The following SYT1 variants were observed in gnomAD, a reference collection of about 807,000 sequenced individuals.
SYT1 encodes the protein synaptotagmin 1.
In SYT1, 8 loss-of-function variants were observed where a neutral mutation model predicts 44.8. That is an observed-to-expected ratio of 0.18 (90% CI 0.10 to 0.32). SYT1 has a LOEUF of 0.32. Ranked by LOEUF, SYT1 falls within the 10% of genes least tolerant of loss-of-function variation. The pLI, the probability that SYT1 is intolerant of heterozygous loss-of-function variation, is 1.00. For missense variants in SYT1, 286 were observed against 509.3 expected (o/e 0.56, Z 4.22); for synonymous variants, 154 against 188.8 (o/e 0.82, Z 1.51).
intron 3 of SYT1, among the ~76,000 whole-genome samples, chr12:79,207,170 C>G (rs1206506331): frequency 6.6e-6 from 1 of 152,150 alleles, no homozygotes; most frequent in African/African-American, 2.4e-5. Context: ...TTTGCTGTGA[C>G]TATGCTGTAG....
chr12:79,154,278 T>C (rs1332932983), intron 3 of SYT1, among the ~76,000 whole-genome samples: 1 of 152,150 alleles, frequency 6.6e-6, no homozygotes, highest in African/African-American at 2.4e-5. Context: ...TATTTTAGTT[T>C]AGTTAAATGT....
chr12:78,963,429 A>G (rs1879616966), intron 1 of SYT1, among the ~76,000 whole-genome samples: 1 of 152,132 alleles, frequency 6.6e-6, no homozygotes, highest in African/African-American at 2.4e-5. Flanking sequence ...AATGATGGGT[A>G]AATTTTTAAT....
intron 8 of SYT1, among the ~76,000 whole-genome samples, chr12:79,319,103 G>A (rs1169861791): frequency 6.6e-6 from 1 of 152,208 alleles, no homozygotes; most frequent in Non-Finnish European, 1.5e-5. Flanking sequence ...ATGCTGCCAT[G>A]TTTGAAGATG....
intron 4 of SYT1, among the ~76,000 whole-genome samples, chr12:79,266,673 T>TTAAA (rs1168189857): frequency 1.3e-5 from 2 of 152,166 alleles, no homozygotes; most frequent in Non-Finnish European, 2.9e-5. Flanking sequence ...AGAATAAAGT[T>TTAAA]GACAGTTTAA....
At chr12:79,229,079 G>A (rs911569432) in intron 4 of SYT1, among the ~76,000 whole-genome samples, 12 of 152,012 alleles carry the variant, frequency 7.9e-5, no homozygotes, top group Non-Finnish European at 1.8e-4. Context: ...ACACATCTTC[G>A]TATCCCCCAC....
Position 79,220,682 on chromosome 12 carries a change from G to A in SYT1, c.166+2997G>A, listed in dbSNP as rs78729544. Among the ~76,000 whole-genome samples, 618 of 151,932 alleles carry A rather than the reference G, an allele frequency of 4.1e-3. 3 individuals are homozygous for A. The highest frequency in any genetic ancestry group is 0.014 in the African/African-American group (582 of 41,462). On this transcript the variant is annotated intron_variant, in intron 4 of 10. Transcript: ENST00000261205. ...TTGTTTCCTTTTTCATTTCTTCAGT[G>A]ACCCATTATTTATTCAAGAGTATGT...
intron 3 of SYT1, among the ~76,000 whole-genome samples, chr12:79,188,572 G>C (rs955303806): frequency 6.6e-6 from 1 of 151,910 alleles, no homozygotes; most frequent in Non-Finnish European, 1.5e-5. Context: ...TTTTTACAAG[G>C]GTTGACCACA....
chr12:78,873,997 A>G (rs1458513537), intron 1 of SYT1, among the ~76,000 whole-genome samples: 2 of 151,698 alleles, frequency 1.3e-5, no homozygotes, highest in East Asian at 1.9e-4. Context: ...TAGAAAGAAT[A>G]CAAAATTATA....
intron 3 of SYT1, among the ~76,000 whole-genome samples, chr12:79,198,953 A>G (rs1592845619): frequency 6.6e-6 from 1 of 152,160 alleles, no homozygotes; most frequent in East Asian, 1.9e-4. Flanking sequence ...GAAGAAGGGG[A>G]AGCCCGCATG....
At chr12:78,897,503 C>T (rs1045287150) in intron 1 of SYT1, among the ~76,000 whole-genome samples, 5 of 151,978 alleles carry the variant, frequency 3.3e-5, no homozygotes, top group African/African-American at 1.2e-4. Context: ...TAAACAATGA[C>T]AGCCCGAGAC....
At chr12:79,209,725 G>C (rs1874329172) in intron 3 of SYT1, among the ~76,000 whole-genome samples, 1 of 152,094 alleles carries the variant, frequency 6.6e-6, no homozygotes, top group Admixed American at 6.6e-5. Flanking sequence ...AAAGCCCCAG[G>C]GCATGGGAAG....
intron 4 of SYT1, among the ~76,000 whole-genome samples, chr12:79,231,140 T>G (rs1404282911): frequency 3.3e-5 from 5 of 152,170 alleles, no homozygotes; most frequent in Non-Finnish European, 5.9e-5. Context: ...TAGTTTCTAT[T>G]AAATTGAGTA....
chr12:78,876,817 T>TAATATATATTATATATAATA (rs372012277), intron 1 of SYT1, among the ~76,000 whole-genome samples: 1 of 30,290 alleles, frequency 3.3e-5, no homozygotes, highest in Non-Finnish European at 5.6e-5. Context: ...GTAATACATA[T>TAATATATATTATATATAATA]CATATATTAT....
chr12:78,868,825 G>A (rs1379806250), intron 1 of SYT1: 3 of 151,552 alleles, frequency 2.0e-5, no homozygotes, highest in Middle Eastern at 3.2e-3. Flanking sequence ...TTTAAAATGG[G>A]GTTCCATGGC....
At chr12:78,985,161 A>G (rs534186084) in intron 2 of SYT1, among the ~76,000 whole-genome samples, 1 of 151,924 alleles carries the variant, frequency 6.6e-6, no homozygotes, top group African/African-American at 2.4e-5. Context: ...AAAGACAGCT[A>G]TTTATCTTTT....
intron 3 of SYT1, among the ~76,000 whole-genome samples, chr12:79,127,866 A>G (rs189532466): frequency 5.3e-5 from 8 of 152,334 alleles, no homozygotes; most frequent in Admixed American, 5.2e-4. Context: ...ATATTGTTTA[A>G]TGTTGTTTAA....
intron 3 of SYT1, among the ~76,000 whole-genome samples, chr12:79,164,624 T>C (rs1871135235): frequency 6.6e-6 from 1 of 152,082 alleles, no homozygotes; most frequent in African/African-American, 2.4e-5. Flanking sequence ...TCTTGTTTTG[T>C]CTTTGGAAAT....
chr12:79,324,659 C>T (rs950656069), intron 8 of SYT1, among the ~76,000 whole-genome samples: 1 of 151,892 alleles, frequency 6.6e-6, no homozygotes, highest in African/African-American at 2.4e-5. Context: ...CCTATAGCAC[C>T]CCTGCGGTGC....
intron 1 of SYT1, among the ~76,000 whole-genome samples, chr12:78,949,477 T>TAA (rs1555183718): frequency 6.9e-5 from 10 of 144,048 alleles, no homozygotes; most frequent in East Asian, 4.0e-4. Context: ...TATAGCTCAT[T>TAA]AAAAAAAAAA....
Sources: gnomAD v4.1 joint callset for allele counts (sites outside exome capture counted in the v4.1 genomes callset) on GRCh38, gnomAD v4.1.1 for gene constraint, MANE v1.5 for transcripts, NCBI Gene and HGNC (gene_info 2026-07-23, HGNC 2026-07-21) for gene names.